GUCY1A2: variants seen among roughly 807,000 people sequenced by gnomAD.
GUCY1A2 encodes the protein guanylate cyclase 1 soluble subunit alpha 2.
A neutral mutation model predicts 63.5 loss-of-function variants in GUCY1A2; 27 were observed. The ratio of observed to expected loss-of-function variants is 0.43; its 90% CI spans 0.31 to 0.59. GUCY1A2 has a LOEUF of 0.59. GUCY1A2 is among the 20% of genes least tolerant of loss of function. The probability of loss-of-function intolerance (pLI) is 0.11; values close to 1 mark genes in which losing one functional copy is unlikely to be tolerated. For missense variants in GUCY1A2, 768 were observed against 913.3 expected (o/e 0.84, Z 2.05); for synonymous variants, 364 against 343.5 (o/e 1.06, Z -0.66).
At chr11:106,961,474 CAGA>C (rs1473650427) in intron 3 of GUCY1A2, among the ~76,000 whole-genome samples, 2 of 152,058 alleles carry the variant, frequency 1.3e-5, no homozygotes, top group African/African-American at 4.8e-5. Context: ...CTAAGGAAAA[CAGA>C]AGGTTATATG....
rs1190794718 is a variant in GUCY1A2 at position 106,827,139 on chromosome 11, A to G, written c.1207-16661T>C. On this transcript the variant is annotated intron_variant, in intron 4 of 7. Transcript: ENST00000526355. Reference sequence around the variant, plus strand: ...ACATAGCTTCAAGGTGAATCTTATGAGAAAACTCTTTTGTTCCTTTAAGAT... The same window carrying G: ...ACATAGCTTCAAGGTGAATCTTATGGGAAAACTCTTTTGTTCCTTTAAGAT... 2.0e-6 allele frequency: 3 copies of G among 1,480,722 alleles called. No individual in the cohort carries two copies. The African/African-American group carries it at 4.2e-5, about 20-fold the overall frequency. 91.7% of individuals were successfully genotyped at this position (1,480,722 alleles called of 1,614,324 possible). A position where few individuals can be genotyped will look rare whatever the true frequency, so the allele number is the denominator to read the frequency against.
chr11:106,745,343 T>C (rs905923555), intron 6 of GUCY1A2, among the ~76,000 whole-genome samples: 2 of 152,220 alleles, frequency 1.3e-5, no homozygotes, highest in African/African-American at 2.4e-5. Context: ...AAAAAATAAA[T>C]GAGAAGTACT....
intron 1 of GUCY1A2, among the ~76,000 whole-genome samples, chr11:107,006,830 C>A (rs1861677706): frequency 1.3e-5 from 2 of 152,216 alleles, no homozygotes; most frequent in Non-Finnish European, 2.9e-5. Context: ...TTATGAAGGA[C>A]TGACTAACAA....
intron 4 of GUCY1A2, among the ~76,000 whole-genome samples, chr11:106,870,506 G>A (rs1859662050): frequency 2.0e-5 from 3 of 151,948 alleles, no homozygotes; most frequent in Admixed American, 6.6e-5. Flanking sequence ...GTAAATACAG[G>A]GGATCAACAA....
intron 4 of GUCY1A2, among the ~76,000 whole-genome samples, chr11:106,838,772 G>T (rs1351622395): frequency 6.6e-6 from 1 of 151,994 alleles, no homozygotes; most frequent in Non-Finnish European, 1.5e-5. Context: ...CTGCATAAAT[G>T]TCTTTTTTTT....
chr11:106,732,279 G>A (rs897057565), intron 6 of GUCY1A2, among the ~76,000 whole-genome samples: 2 of 151,948 alleles, frequency 1.3e-5, no homozygotes, highest in African/African-American at 2.4e-5. Flanking sequence ...AATAGAGAAA[G>A]GACTCCCTAT....
chr11:106,740,415 ATGGT>A (rs1157546980), intron 6 of GUCY1A2, among the ~76,000 whole-genome samples: 1 of 152,080 alleles, frequency 6.6e-6, no homozygotes, highest in Non-Finnish European at 1.5e-5. Context: ...TTATTTTTCT[ATGGT>A]TGGCCATAGA....
rs1211068799 is a variant in GUCY1A2 at position 106,776,640 on chromosome 11, A to T, written c.1693-58T>A. ...ATGATAATGAGCCCAAAGAGAAATG[A>T]TTAGTTATCTGCAATCACAAATGTT... On this transcript the variant is annotated intron_variant, in intron 5 of 7. Transcript: ENST00000526355. 3 of 1,497,912 alleles carry T rather than the reference A, an allele frequency of 2.0e-6. No homozygotes were observed. In the African/African-American group the frequency reaches 4.2e-5, roughly 21 times the overall value. 92.8% of individuals were successfully genotyped at this position (1,497,912 alleles called of 1,614,324 possible).
intron 4 of GUCY1A2, among the ~76,000 whole-genome samples, chr11:106,872,344 A>G (rs565040666): frequency 1.6e-4 from 24 of 152,236 alleles, no homozygotes; most frequent in Middle Eastern, 3.4e-3. Context: ...CATAAGTGAC[A>G]CTCATATTCC....
rs1049638950 is a variant in GUCY1A2 at position 106,986,062 on chromosome 11, T to C, written c.365+8A>G. 2 of 1,363,424 alleles carry C rather than the reference T, an allele frequency of 1.5e-6. No individual in the cohort carries two copies. Among genetic ancestry groups the C allele is most frequent in the African/African-American group, 1.4e-5 (1 of 70,086 alleles). The allele number at this position is 1,363,424 out of a possible 1,614,324, so 84.5% of individuals were successfully genotyped here. On this transcript the variant is annotated splice_region_variant and intron_variant, in intron 2 of 7. Transcript: ENST00000526355. ...CCCCAATAATAACCGAAATCAATTTTTACTTACCCAATAACTTGATGTTCA... is the reference window on the plus strand; with the variant it reads ...CCCCAATAATAACCGAAATCAATTTCTACTTACCCAATAACTTGATGTTCA...
chr11:106,771,997 T>C (rs2135399289), intron 6 of GUCY1A2, among the ~76,000 whole-genome samples: 1 of 152,292 alleles, frequency 6.6e-6, no homozygotes, highest in South Asian at 2.1e-4. Context: ...AGAAGTAGCC[T>C]CTGAGTTTCA....
intron 5 of GUCY1A2, among the ~76,000 whole-genome samples, chr11:106,802,286 T>A (rs17106077): frequency 0.05 from 7,546 of 152,198 alleles, 338 homozygotes; most frequent in African/African-American, 0.12. Flanking sequence ...TCTGCTGAAG[T>A]GGTAGTGGCA....
At chr11:106,744,327 A>G (rs1158021511) in intron 6 of GUCY1A2, among the ~76,000 whole-genome samples, 1 of 150,192 alleles carries the variant, frequency 6.7e-6, no homozygotes, top group African/African-American at 2.5e-5. Context: ...GCTCACTGCA[A>G]GCTCCACCTC....
chr11:106,897,484 T>C (rs1565324268), intron 4 of GUCY1A2, among the ~76,000 whole-genome samples: 1 of 152,094 alleles, frequency 6.6e-6, no homozygotes, highest in East Asian at 1.9e-4. Flanking sequence ...AGAGTGGTAT[T>C]TGCAAAAGAA....
chr11:106,743,596 G>A (rs1431053553), intron 6 of GUCY1A2, among the ~76,000 whole-genome samples: 1 of 152,154 alleles, frequency 6.6e-6, no homozygotes, highest in Non-Finnish European at 1.5e-5. Context: ...TCCATGACTA[G>A]AGGGCGGGAT....
intron 7 of GUCY1A2, among the ~76,000 whole-genome samples, chr11:106,694,626 T>G (rs544282814): frequency 6.6e-6 from 1 of 152,164 alleles, no homozygotes; most frequent in South Asian, 2.1e-4. Context: ...CCAGTACTGG[T>G]GACACGTTAG....
chr11:106,966,843 T>C (rs1356453499), intron 3 of GUCY1A2, among the ~76,000 whole-genome samples: 2 of 152,152 alleles, frequency 1.3e-5, no homozygotes, highest in African/African-American at 4.8e-5. Flanking sequence ...TACTGACAAA[T>C]TAAGAGAAGT....
At chr11:106,727,498 T>C (rs1863427075) in intron 6 of GUCY1A2, among the ~76,000 whole-genome samples, 1 of 152,166 alleles carries the variant, frequency 6.6e-6, no homozygotes, top group South Asian at 2.1e-4. Flanking sequence ...CTTCTTGATC[T>C]TGGAAGAAAA....
intron 3 of GUCY1A2, among the ~76,000 whole-genome samples, chr11:106,944,235 A>AAAAAAAAAAAAAAAAAAAAAAAC: frequency 6.9e-6 from 1 of 144,156 alleles, no homozygotes; most frequent in South Asian, 2.2e-4. Flanking sequence ...AAAAAAAAAA[A>AAAAAAAAAAAAAAAAAAAAAAAC]AGCAGGTGGT....
Sources: gnomAD v4.1 joint callset for allele counts (sites outside exome capture counted in the v4.1 genomes callset) on GRCh38, gnomAD v4.1.1 for gene constraint, MANE v1.5 for transcripts, NCBI Gene and HGNC (gene_info 2026-07-23, HGNC 2026-07-21) for gene names.